Variants in ROBO1 observed in about 807,000 individuals in gnomAD.
The protein encoded by ROBO1 is roundabout homolog 1.
A neutral mutation model predicts 195.9 loss-of-function variants in ROBO1; 149 were observed. The ratio of observed to expected loss-of-function variants is 0.76; its 90% CI spans 0.67 to 0.87. The LOEUF (loss-of-function observed/expected upper bound fraction) is 0.87. Ranked by LOEUF, ROBO1 falls within the 40% of genes least tolerant of loss-of-function variation. ROBO1 has a pLI of 0.00. For missense variants in ROBO1, 1,933 were observed against 2,068.3 expected, an observed-to-expected ratio of 0.93 and a Z score of 1.27; for synonymous variants, 816 against 733.2, an observed-to-expected ratio of 1.11 and a Z score of -1.82.
At chr3:79,088,828 C>T (rs1451546244) in intron 3 of ROBO1, among the ~76,000 whole-genome samples, 1 of 151,952 alleles carries the variant, frequency 6.6e-6, no homozygotes, top group Non-Finnish European at 1.5e-5. Context: ...TCCATTAGAT[C>T]ACTGTGTGTG....
chr3:78,693,545 T>A (rs1209914488), intron 8 of ROBO1, among the ~76,000 whole-genome samples: 5 of 152,170 alleles, frequency 3.3e-5, no homozygotes, highest in Admixed American at 6.6e-5. Flanking sequence ...ATAATCATGA[T>A]TAATTTAAGA....
At chr3:79,550,290 A>G (rs1006209834) in intron 2 of ROBO1, among the ~76,000 whole-genome samples, 3 of 152,064 alleles carry the variant, frequency 2.0e-5, no homozygotes, top group Non-Finnish European at 4.4e-5. Context: ...TCTTTCTCTC[A>G]TTTTTATAAG....
At position 79,034,536 on chromosome 3, in the gene ROBO1, A is replaced by G. The variant is rs191039950; in HGVS notation, c.172+90920T>C. ...CTCTAGGAAGCTAAGGAAATATTTC[A>G]TATATAGTAAAAGATGTCTATGGTG... On this transcript the variant is annotated intron_variant, in intron 3 of 30. Transcript: ENST00000464233. Among the ~76,000 whole-genome samples, 194 of 152,264 alleles carry G rather than the reference A, an allele frequency of 1.3e-3. 4 individuals are homozygous for G. Among genetic ancestry groups the G allele is most frequent in the African/African-American group, 3.7e-3 (152 of 41,546 alleles).
intron 1 of ROBO1, among the ~76,000 whole-genome samples, chr3:79,618,383 G>A (rs1944892476): frequency 6.6e-6 from 1 of 152,104 alleles, no homozygotes; most frequent in African/African-American, 2.4e-5. Flanking sequence ...CACAAAAGAA[G>A]TGAAAATAGC....
In ROBO1 at chr3:78,606,957, AC is replaced by A; in HGVS notation, c.4519del (p.Val1507TrpfsTer116). ...SKTQLEVRPV[V>X]VPKLPSMDAR... The stretch of plus-strand genomic sequence containing the variant: ...ATCCATAGAAGGGAGTTTTGGCACC[AC>A]TACAGGTCGTACTTCCAGCTGTGTC... On this transcript the variant is annotated frameshift_variant, in exon 29 of 31. Transcript: ENST00000464233. LOFTEE classifies it high-confidence loss of function. 6.2e-7 allele frequency: 1 copy of A among 1,613,848 alleles called. No homozygotes were observed. The highest frequency in any genetic ancestry group is 8.5e-7 in the Non-Finnish European group (1 of 1,179,868).
At chr3:79,516,072 G>C (rs1189501681) in intron 2 of ROBO1, among the ~76,000 whole-genome samples, 1 of 151,678 alleles carries the variant, frequency 6.6e-6, no homozygotes. Flanking sequence ...CAGATCCTTC[G>C]CTTTCCTTCT....
chr3:79,323,769 T>C (rs922553039), intron 2 of ROBO1, among the ~76,000 whole-genome samples: 2 of 152,196 alleles, frequency 1.3e-5, no homozygotes, highest in Non-Finnish European at 2.9e-5. Context: ...AAGCTTTCCT[T>C]CCATTAGGAA....
chr3:79,419,052 C>A (rs1012739016), intron 2 of ROBO1, among the ~76,000 whole-genome samples: 4 of 152,022 alleles, frequency 2.6e-5, no homozygotes, highest in Non-Finnish European at 4.4e-5. Flanking sequence ...CCATGTGTGG[C>A]TGGATCAGAC....
chr3:79,665,999 T>C (rs1946466059), intron 1 of ROBO1, among the ~76,000 whole-genome samples: 1 of 151,838 alleles, frequency 6.6e-6, no homozygotes, highest in African/African-American at 2.4e-5. Context: ...TTGAAATACA[T>C]ATAGAAAAAA....
chr3:78,728,086 ATCTT>A lies in ROBO1; in HGVS notation c.658-10207_658-10204del, dbSNP rs560484985. 3.1e-3 allele frequency among the ~76,000 whole-genome samples: 466 copies of A among 152,120 alleles called. 2 individuals carry two copies. In the Middle Eastern group the frequency reaches 0.034, roughly 11 times the overall value. On this transcript the variant is annotated intron_variant, in intron 5 of 30. Coordinates refer to ENST00000464233, the MANE Select transcript of ROBO1 (RefSeq NM_002941.4). ...AGCAAAGTTTATTAAAGATTTTTTG[ATCTT>A]TCTATTTTTTATAAAAGCTATTGAT...
chr3:79,617,033 C>A lies in ROBO1; in HGVS notation c.-50-27072G>T, dbSNP rs150369930. The stretch of plus-strand genomic sequence containing the variant: ...TACATTGTGGCCTTGAGATAAAGCA[C>A]AATGTCTTTTTGAAATGAAGCTCAT... On this transcript the variant is annotated intron_variant, in intron 1 of 30. Transcript: ENST00000464233. Among the ~76,000 whole-genome samples, 743 of 152,224 alleles carry A rather than the reference C, an allele frequency of 4.9e-3. 6 individuals are homozygous for A. Among genetic ancestry groups the A allele is most frequent in the African/African-American group, 0.017 (707 of 41,520 alleles).
intron 4 of ROBO1, among the ~76,000 whole-genome samples, chr3:78,811,298 A>G (rs2084731327): frequency 6.6e-6 from 1 of 152,184 alleles, no homozygotes; most frequent in Non-Finnish European, 1.5e-5. Context: ...TTCAAGTTCA[A>G]AAAGTCTGCA....
At chr3:78,991,572 G>A (rs182955602) in intron 3 of ROBO1, among the ~76,000 whole-genome samples, 300 of 152,304 alleles carry the variant, frequency 2.0e-3, no homozygotes, top group Non-Finnish European at 3.8e-3. Flanking sequence ...GGTGAAACCT[G>A]GTATAATGCT....
intron 2 of ROBO1, among the ~76,000 whole-genome samples, chr3:79,227,854 G>A (rs900167781): frequency 9.2e-5 from 14 of 152,046 alleles, no homozygotes; most frequent in African/African-American, 2.9e-4. Context: ...ATGTTTATTC[G>A]AGTGGTCTCA....
Position 78,975,786 on chromosome 3 carries a change from C to A in ROBO1, c.173-36859G>T, listed in dbSNP as rs561746363. ...TAATTCGTCCACCTCTTCCATAGCC[C>A]AAGGTATTCTGCAACAAATACAAAA... On this transcript the variant is annotated intron_variant, in intron 3 of 30. Transcript: ENST00000464233. Among the ~76,000 whole-genome samples the A allele has an allele frequency of 8.5e-5, 13 of 152,148 alleles. No individual in the cohort carries two copies. In the South Asian group the frequency reaches 2.7e-3, roughly 32 times the overall value.
intron 3 of ROBO1, among the ~76,000 whole-genome samples, chr3:79,082,316 C>T (rs547474367): frequency 6.6e-6 from 1 of 152,116 alleles, no homozygotes; most frequent in Non-Finnish European, 1.5e-5. Context: ...CATATATTGT[C>T]TATACTTATT....
intron 1 of ROBO1, among the ~76,000 whole-genome samples, chr3:79,753,153 T>C (rs975236589): frequency 1.1e-4 from 16 of 152,136 alleles, no homozygotes; most frequent in African/African-American, 3.9e-4. Flanking sequence ...CATCAAAATA[T>C]TTAGTATAGA....
At chr3:79,637,873 T>A (rs565087381) in intron 1 of ROBO1, among the ~76,000 whole-genome samples, 1 of 152,152 alleles carries the variant, frequency 6.6e-6, no homozygotes, top group East Asian at 1.9e-4. Context: ...CCAGTAGTCC[T>A]CTAGCTTTCT....
chr3:79,026,641 A>G (rs181712342), intron 3 of ROBO1, among the ~76,000 whole-genome samples: 37 of 152,192 alleles, frequency 2.4e-4, no homozygotes, highest in Non-Finnish European at 2.9e-4. Context: ...ACATAAAGAT[A>G]TATATGTATA....
Sources: allele counts gnomAD v4.1 joint callset (sites outside exome capture counted in the v4.1 genomes callset), GRCh38; gene constraint gnomAD v4.1.1; transcripts MANE v1.5; gene names NCBI Gene and HGNC (gene_info 2026-07-23, HGNC 2026-07-21).